The following EYS variants were observed in gnomAD, a reference collection of about 807,000 sequenced individuals.
EYS encodes the protein protein eyes shut homolog.
EYS carries 250 observed loss-of-function variants against 282.1 expected under a neutral mutation model. That is an observed-to-expected ratio of 0.89 (90% CI 0.80 to 0.98). EYS has a LOEUF of 0.98. Among genes scored for constraint, EYS ranks in the 50% least tolerant of loss-of-function variants. The probability of loss-of-function intolerance (pLI) is 0.00; values close to 1 mark genes in which losing one functional copy is unlikely to be tolerated. For synonymous variants in EYS, 1,355 were observed against 1,282.9 expected (o/e 1.06, Z -1.20); for missense variants, 4,016 against 3,709.0 (o/e 1.08, Z -2.15).
At chr6:65,272,016 A>C (rs148683451) in intron 12 of EYS, among the ~76,000 whole-genome samples, 97 of 152,310 alleles carry the variant, frequency 6.4e-4, no homozygotes, top group African/African-American at 2.2e-3. Context: ...CTCAGCATAC[A>C]TACAGCTTTC....
chr6:64,117,396 T>A (rs1033444215), intron 31 of EYS, among the ~76,000 whole-genome samples: 6 of 139,588 alleles, frequency 4.3e-5, no homozygotes, highest in Admixed American at 7.1e-5. Context: ...AGAAACTAGA[T>A]GAACAACAAA....
intron 16 of EYS, among the ~76,000 whole-genome samples, chr6:64,906,876 C>T (rs1273052020): frequency 1.3e-5 from 2 of 152,116 alleles, no homozygotes; most frequent in Non-Finnish European, 1.5e-5. Context: ...AAGAACCATT[C>T]ATAAAAAGAA....
chr6:64,968,217 T>TA (rs1416848180), intron 14 of EYS, among the ~76,000 whole-genome samples: 6 of 152,244 alleles, frequency 3.9e-5, no homozygotes, highest in Non-Finnish European at 5.9e-5. Flanking sequence ...ACAGAAACAG[T>TA]AAAAAAATGT....
chr6:65,018,720 T>TA, intron 13 of EYS, among the ~76,000 whole-genome samples: 1 of 152,238 alleles, frequency 6.6e-6, no homozygotes, highest in South Asian at 2.1e-4. Flanking sequence ...AGTTTTTTTT[T>TA]AAAAGACCAT....
chr6:64,356,865 C>T (rs1213038691), intron 29 of EYS, among the ~76,000 whole-genome samples: 1 of 151,606 alleles, frequency 6.6e-6, no homozygotes, highest in Non-Finnish European at 1.5e-5. Context: ...CTATTGCCCT[C>T]AGCAGAGAAT....
Position 65,270,389 on chromosome 6 carries a change from T to C in EYS, c.2023+25474A>G, listed in dbSNP as rs529982606. On this transcript the variant is annotated intron_variant, in intron 12 of 42. Coordinates refer to ENST00000503581, the MANE Select transcript of EYS (RefSeq NM_001142800.2). ...GGAGTTACATCTTTATTGCTTTGGG[T>C]GGCCCTACCCTCACAGTTTGGGGCA... Among the ~76,000 whole-genome samples, 10 of 152,290 alleles carry C rather than the reference T, an allele frequency of 6.6e-5. No individual in the cohort carries two copies. In the East Asian group the frequency reaches 1.7e-3, roughly 27 times the overall value.
chr6:65,056,541 G>GAT (rs1561943559), intron 13 of EYS, among the ~76,000 whole-genome samples: 1 of 151,948 alleles, frequency 6.6e-6, no homozygotes, highest in African/African-American at 2.4e-5. Flanking sequence ...AGTGAGCTAC[G>GAT]ATAGCACCAC....
At chr6:65,087,331 T>G (rs997295554) in intron 12 of EYS, among the ~76,000 whole-genome samples, 17 of 152,164 alleles carry the variant, frequency 1.1e-4, no homozygotes, top group Non-Finnish European at 2.2e-4. Flanking sequence ...CCAAAATGAC[T>G]ATTTTGTTTA....
chr6:64,461,032 T>G (rs1056336546), intron 26 of EYS, among the ~76,000 whole-genome samples: 4 of 152,138 alleles, frequency 2.6e-5, no homozygotes, highest in Non-Finnish European at 5.9e-5. Flanking sequence ...CACAGAAACA[T>G]AGTGCACAAA....
At chr6:64,959,823 C>T (rs1469046689) in intron 14 of EYS, among the ~76,000 whole-genome samples, 3 of 149,310 alleles carry the variant, frequency 2.0e-5, no homozygotes, top group Non-Finnish European at 4.4e-5. Flanking sequence ...AGTAACAAAA[C>T]TATGTTGTAA....
At chr6:64,227,719 C>A (rs1766292145) in intron 31 of EYS, among the ~76,000 whole-genome samples, 1 of 152,044 alleles carries the variant, frequency 6.6e-6, no homozygotes, top group Non-Finnish European at 1.5e-5. Flanking sequence ...ATGCAAATTT[C>A]ATTCCTGAAG....
intron 26 of EYS, among the ~76,000 whole-genome samples, chr6:64,509,964 A>G (rs1777332490): frequency 1.3e-5 from 2 of 152,118 alleles, no homozygotes; most frequent in Non-Finnish European, 1.5e-5. Flanking sequence ...TTGGGAATCA[A>G]TCTCTTTCAT....
chr6:64,303,139 C>G (rs952903143), intron 30 of EYS, among the ~76,000 whole-genome samples: 4 of 152,186 alleles, frequency 2.6e-5, no homozygotes, highest in African/African-American at 9.6e-5. Flanking sequence ...AATTCTCTCA[C>G]TCTGCCTGCA....
intron 35 of EYS, among the ~76,000 whole-genome samples, chr6:63,945,864 T>A (rs1765380506): frequency 6.6e-6 from 1 of 152,190 alleles, no homozygotes. Flanking sequence ...CCTCAATAAC[T>A]CACACTATCA....
intron 1 of EYS, among the ~76,000 whole-genome samples, chr6:65,660,661 AG>A (rs1027723708): frequency 6.6e-6 from 1 of 151,752 alleles, no homozygotes; most frequent in African/African-American, 2.4e-5. Flanking sequence ...ATATATTTTT[AG>A]TACCCTATTA....
At position 64,789,759 on chromosome 6, in the gene EYS, G is replaced by A. The variant is rs757708294; in HGVS notation, c.3443+23619C>T. Among the ~76,000 whole-genome samples, 93 of 151,916 alleles carry A rather than the reference G, an allele frequency of 6.1e-4. 1 individual carries two copies. Among genetic ancestry groups the A allele is most frequent in the Admixed American group, 1.4e-3 (22 of 15,234 alleles). On this transcript the variant is annotated intron_variant, in intron 22 of 42. Transcript: ENST00000503581. ...TGCAAGCTCTTTAAAGAATCCTTGT[G>A]TCTTTTCCTGTATCTAATTTTAATT...
intron 2 of EYS, among the ~76,000 whole-genome samples, chr6:65,553,071 G>A (rs1440635889): frequency 1.3e-5 from 2 of 152,150 alleles, no homozygotes; most frequent in Admixed American, 6.5e-5. Flanking sequence ...AGTGATGGCA[G>A]ATTAATTCAT....
chr6:65,057,603 G>T lies in EYS; in HGVS notation c.2137+11C>A, dbSNP rs1249714818. 6.9e-6 allele frequency: 10 copies of T among 1,458,740 alleles called. No individual in the cohort carries two copies. Among genetic ancestry groups the T allele is most frequent in the Non-Finnish European group, 9.4e-6 (10 of 1,062,398 alleles). The allele number at this position is 1,458,740 out of a possible 1,614,324, so 90.4% of individuals were successfully genotyped here. On this transcript the variant is annotated intron_variant, in intron 13 of 42. Coordinates refer to ENST00000503581, the MANE Select transcript of EYS (RefSeq NM_001142800.2). ...TATGTTTGCTTTTCCTTATCCCTTG[G>T]TGTTCATTACCTTTAAATGGAGGCA...
chr6:65,292,770 A>G (rs1319318826), intron 12 of EYS, among the ~76,000 whole-genome samples: 1 of 151,712 alleles, frequency 6.6e-6, no homozygotes, highest in Admixed American at 6.6e-5. Context: ...AAATTAGCAG[A>G]CAAGGAAAGG....
Sources: gnomAD v4.1 joint callset for allele counts (sites outside exome capture counted in the v4.1 genomes callset) on GRCh38, gnomAD v4.1.1 for gene constraint, MANE v1.5 for transcripts, NCBI Gene and HGNC (gene_info 2026-07-23, HGNC 2026-07-21) for gene names.